Variants in CLVS1 observed in about 807,000 individuals in gnomAD.
CLVS1 encodes the protein clavesin-1.
Under a neutral mutation model 33.1 loss-of-function variants are expected in CLVS1, and 10 were observed. The ratio of observed to expected loss-of-function variants is 0.30; its 90% CI spans 0.19 to 0.51. The LOEUF is 0.51. Ranked by LOEUF, CLVS1 falls within the 20% of genes least tolerant of loss-of-function variation. The pLI is 0.97. For missense variants in CLVS1, 343 were observed against 433.4 expected, an observed-to-expected ratio of 0.79 and a Z score of 1.85; for synonymous variants, 163 against 166.1, an observed-to-expected ratio of 0.98 and a Z score of 0.14.
intron 2 of CLVS1, among the ~76,000 whole-genome samples, chr8:61,217,131 C>G (rs1255526157): frequency 6.6e-6 from 1 of 151,940 alleles, no homozygotes; most frequent in Non-Finnish European, 1.5e-5. Flanking sequence ...CATGATTTTC[C>G]TTCAATTTTC....
chr8:61,006,883 G>A, the CLVS1 span, among the ~76,000 whole-genome samples: 2 of 152,114 alleles, frequency 1.3e-5, no homozygotes, highest in Non-Finnish European at 1.5e-5. Flanking sequence ...AAACTGTAAA[G>A]GATTCAAAAT....
rs76109902 is a variant in CLVS1 at position 61,345,828 on chromosome 8, G to C, written c.456-30777G>C. On this transcript the variant is annotated intron_variant, in intron 2 of 5. Transcript: ENST00000325897. ...GAGAGGGCTGTAGATGGTGGCAGCA[G>C]GTGTCAGAGAAATGAGATCTTGTGG... is the stretch of plus-strand genomic sequence containing the variant. Among the ~76,000 whole-genome samples, 16 of 152,214 alleles carry C rather than the reference G, an allele frequency of 1.1e-4. No individual in the cohort carries two copies. The East Asian group carries it at 2.7e-3, about 26-fold the overall frequency.
chr8:61,427,965 G>A (rs993940363), intron 3 of CLVS1, among the ~76,000 whole-genome samples: 21 of 152,228 alleles, frequency 1.4e-4, no homozygotes, highest in African/African-American at 4.8e-4. Context: ...CACACGATAT[G>A]CACCAATAAC....
At chr8:61,229,053 A>G (rs1808383119) in intron 2 of CLVS1, among the ~76,000 whole-genome samples, 1 of 152,122 alleles carries the variant, frequency 6.6e-6, no homozygotes, top group South Asian at 2.1e-4. Flanking sequence ...CATCATCCCA[A>G]CACTTACCTT....
chr8:61,242,560 C>T (rs553029973), intron 2 of CLVS1, among the ~76,000 whole-genome samples: 11 of 152,192 alleles, frequency 7.2e-5, no homozygotes, highest in South Asian at 2.1e-4. Context: ...AAGGCCGAGG[C>T]GGGAGGATCA....
chr8:61,174,473 A>G (rs910271139), intron 2 of CLVS1, among the ~76,000 whole-genome samples: 3 of 151,138 alleles, frequency 2.0e-5, no homozygotes, highest in Non-Finnish European at 4.4e-5. Context: ...ACAAACAAAA[A>G]CCATATATTT....
chr8:61,006,322 G>T, the CLVS1 span, among the ~76,000 whole-genome samples: 194 of 152,296 alleles, frequency 1.3e-3, 1 homozygote, highest in African/African-American at 4.5e-3. Flanking sequence ...TGATGGTTCT[G>T]CAGAGACTAG....
chr8:61,119,656 T>A (rs1264133244), intron 1 of CLVS1, among the ~76,000 whole-genome samples: 1 of 147,250 alleles, frequency 6.8e-6, no homozygotes, highest in East Asian at 2.0e-4. Context: ...GGATATGAAA[T>A]TCTGGGTTGA....
At chr8:61,349,289 C>T (rs1585838854) in intron 2 of CLVS1, among the ~76,000 whole-genome samples, 1 of 152,000 alleles carries the variant, frequency 6.6e-6, no homozygotes, top group East Asian at 1.9e-4. Flanking sequence ...AAATTATTGC[C>T]CAGACTCATT....
At chr8:61,251,337 G>A (rs541313019) in intron 2 of CLVS1, among the ~76,000 whole-genome samples, 415 of 152,208 alleles carry the variant, frequency 2.7e-3, no homozygotes, top group Non-Finnish European at 4.7e-3. Flanking sequence ...GAGGATTTTC[G>A]CATCTATGTT....
rs564781113 is a variant in CLVS1, at chr8:61,451,653, T to C, written c.631-2488T>C. ...GAGGGCGGTAGGCCTCTTGGGGTTC[T>C]GGGAGACTTTTGTGTGACTGACAAC... On this transcript the variant is annotated intron_variant, in intron 3 of 5. Transcript: ENST00000325897. Among the ~76,000 whole-genome samples, 15 of 152,206 alleles carry C rather than the reference T, an allele frequency of 9.9e-5. No homozygotes were observed. In the South Asian group the frequency reaches 3.1e-3, roughly 32 times the overall value.
intron 1 of CLVS1, among the ~76,000 whole-genome samples, chr8:61,291,749 T>C (rs1809999707): frequency 6.6e-6 from 1 of 152,146 alleles, no homozygotes; most frequent in Admixed American, 6.5e-5. Context: ...ATATAGAGCA[T>C]GCAAACATAG....
intron 2 of CLVS1, among the ~76,000 whole-genome samples, chr8:61,207,039 T>A (rs891045434): frequency 6.6e-6 from 1 of 152,204 alleles, no homozygotes; most frequent in Non-Finnish European, 1.5e-5. Context: ...ATTTGATGAA[T>A]GAATGAAAGA....
At chr8:61,301,593 A>G (rs904224509) in intron 2 of CLVS1, among the ~76,000 whole-genome samples, 5 of 152,208 alleles carry the variant, frequency 3.3e-5, no homozygotes, top group African/African-American at 1.2e-4. Flanking sequence ...TACCTCATTT[A>G]ACCCACCTGA....
chr8:61,249,502 T>C (rs747043536), intron 2 of CLVS1, among the ~76,000 whole-genome samples: 49 of 152,228 alleles, frequency 3.2e-4, no homozygotes, highest in Non-Finnish European at 5.3e-4. Flanking sequence ...CCACACTGTC[T>C]TCCACAATGG....
chr8:61,459,206 A>G (rs974859192), intron 5 of CLVS1, among the ~76,000 whole-genome samples: 7 of 152,156 alleles, frequency 4.6e-5, no homozygotes, highest in African/African-American at 1.7e-4. Flanking sequence ...GGGACTGGAC[A>G]TGAAATAAAG....
At chr8:61,107,348 G>A (rs947995248) in intron 1 of CLVS1, among the ~76,000 whole-genome samples, 10 of 152,196 alleles carry the variant, frequency 6.6e-5, no homozygotes, top group African/African-American at 2.4e-4. Flanking sequence ...ATAAACAACA[G>A]AAATTTACTG....
At chr8:60,985,257 G>A in the CLVS1 span, among the ~76,000 whole-genome samples, 1 of 152,186 alleles carries the variant, frequency 6.6e-6, no homozygotes, top group Non-Finnish European at 1.5e-5. Context: ...TCAATCCGCT[G>A]TGAGTCCCCA....
intron 2 of CLVS1, chr8:61,202,999 C>T (rs1413434655): frequency 6.4e-6 from 9 of 1,403,848 alleles, no homozygotes; most frequent in Non-Finnish European, 9.0e-6. Flanking sequence ...ACCATCAACA[C>T]CAAGATCAAA....
Sources: gnomAD v4.1 joint callset for allele counts (sites outside exome capture counted in the v4.1 genomes callset) on GRCh38, gnomAD v4.1.1 for gene constraint, MANE v1.5 for transcripts, NCBI Gene and HGNC (gene_info 2026-07-23, HGNC 2026-07-21) for gene names.